MYRIP: variants seen among roughly 807,000 people sequenced by gnomAD.
MYRIP encodes myosin VIIA and Rab interacting protein.
A neutral mutation model predicts 98.0 loss-of-function variants in MYRIP; 49 were observed. That is an observed-to-expected ratio of 0.50 (90% CI 0.40 to 0.63). The LOEUF (loss-of-function observed/expected upper bound fraction) is 0.63. MYRIP is among the 30% of genes least tolerant of loss of function. The pLI, the probability that MYRIP is intolerant of heterozygous loss-of-function variation, is 0.00. For synonymous variants in MYRIP, 404 were observed against 409.5 expected, an observed-to-expected ratio of 0.99 and a Z score of 0.16; for missense variants, 1,004 against 1,058.2, an observed-to-expected ratio of 0.95 and a Z score of 0.71.
At chr3:40,245,953 G>C (rs1232551551) in intron 13 of MYRIP, among the ~76,000 whole-genome samples, 4 of 148,886 alleles carry the variant, frequency 2.7e-5, no homozygotes, top group Non-Finnish European at 4.5e-5. Flanking sequence ...TAGAGACGGG[G>C]GTTTCACCAT....
chr3:40,249,341 C>A (rs1953302053), intron 13 of MYRIP, among the ~76,000 whole-genome samples: 1 of 152,200 alleles, frequency 6.6e-6, no homozygotes, highest in Non-Finnish European at 1.5e-5. Context: ...CACATCCTCT[C>A]AGACTGTGGC....
intron 3 of MYRIP, among the ~76,000 whole-genome samples, chr3:40,131,952 A>G (rs1387950882): frequency 2.0e-5 from 3 of 152,124 alleles, no homozygotes; most frequent in African/African-American, 4.8e-5. Flanking sequence ...ATATCTAGAC[A>G]TATAAACAAG....
chr3:40,000,030 A>G (rs1359489860), intron 2 of MYRIP, among the ~76,000 whole-genome samples: 3 of 113,662 alleles, frequency 2.6e-5, no homozygotes, highest in Admixed American at 1.1e-4. Flanking sequence ...CTGTTGTGGG[A>G]GGAGGGGAGG....
chr3:39,873,960 C>T (rs1449228442), intron 1 of MYRIP, among the ~76,000 whole-genome samples: 15 of 151,812 alleles, frequency 9.9e-5, no homozygotes, highest in Non-Finnish European at 2.1e-4. Context: ...ATTGATTCTT[C>T]CTACCCATGA....
chr3:39,941,505 G>A (rs192625947), intron 2 of MYRIP, among the ~76,000 whole-genome samples: 22,656 of 151,004 alleles, frequency 0.15, 2,092 homozygotes, highest in African/African-American at 0.25. Flanking sequence ...GTGTGTGTGT[G>A]TGTGTATATA....
intron 1 of MYRIP, among the ~76,000 whole-genome samples, chr3:39,897,227 G>A (rs958905077): frequency 9.9e-5 from 15 of 152,186 alleles, no homozygotes; most frequent in Admixed American, 6.5e-4. Flanking sequence ...GAGAAACACA[G>A]AGTTAAGCAA....
intron 2 of MYRIP, among the ~76,000 whole-genome samples, chr3:39,909,791 C>T (rs953607574): frequency 2.0e-5 from 3 of 152,176 alleles, no homozygotes; most frequent in Admixed American, 2.0e-4. Flanking sequence ...GAAGATAATT[C>T]TACTTCACTG....
At chr3:40,026,605 A>G (rs189460655) in intron 2 of MYRIP, among the ~76,000 whole-genome samples, 1 of 152,292 alleles carries the variant, frequency 6.6e-6, no homozygotes. Flanking sequence ...TTCCTCTGCC[A>G]TGGCTCCAGC....
intron 3 of MYRIP, among the ~76,000 whole-genome samples, chr3:40,127,979 A>T (rs1241441639): frequency 6.6e-6 from 1 of 152,198 alleles, no homozygotes; most frequent in Non-Finnish European, 1.5e-5. Context: ...TTCATCATCT[A>T]TATAACCAAT....
chr3:39,907,146 C>T (rs1943898648), intron 2 of MYRIP, among the ~76,000 whole-genome samples: 1 of 152,172 alleles, frequency 6.6e-6, no homozygotes, highest in African/African-American at 2.4e-5. Context: ...TGTTCATCAT[C>T]AAAGGCCATG....
chr3:40,141,852 G>A (rs7634072), intron 3 of MYRIP, among the ~76,000 whole-genome samples: 53,837 of 151,930 alleles, frequency 0.35, 11,030 homozygotes, highest in Non-Finnish European at 0.46. Flanking sequence ...CAACAGCTTC[G>A]TGGTGTATTT....
At chr3:39,997,443 A>G (rs1160427466) in intron 2 of MYRIP, among the ~76,000 whole-genome samples, 17 of 152,212 alleles carry the variant, frequency 1.1e-4, no homozygotes, top group Non-Finnish European at 7.3e-5. Flanking sequence ...GAAGAAATGG[A>G]TAAATTCCTC....
At chr3:40,171,735 G>C (rs527406682) in intron 8 of MYRIP, among the ~76,000 whole-genome samples, 1 of 152,354 alleles carries the variant, frequency 6.6e-6, no homozygotes, top group South Asian at 2.1e-4. Context: ...ATGGCTCCAA[G>C]GATTCCTTGT....
At chr3:40,095,437 G>C (rs1015863761) in intron 3 of MYRIP, among the ~76,000 whole-genome samples, 1 of 152,110 alleles carries the variant, frequency 6.6e-6, no homozygotes, top group South Asian at 2.1e-4. Flanking sequence ...CAGACACCCA[G>C]AGCCCACGAG....
chr3:40,255,139 T>A (rs1208450786), intron 16 of MYRIP, among the ~76,000 whole-genome samples: 1 of 152,210 alleles, frequency 6.6e-6, no homozygotes, highest in Non-Finnish European at 1.5e-5. Context: ...TGACCATTAG[T>A]TCACAGAGCG....
chr3:40,165,520 G>A (rs1468284121), intron 5 of MYRIP, among the ~76,000 whole-genome samples: 1 of 152,176 alleles, frequency 6.6e-6, no homozygotes, highest in African/African-American at 2.4e-5. Flanking sequence ...GGAAACAGGA[G>A]GTTGAAATTG....
chr3:40,077,863 C>G (rs900285615), intron 3 of MYRIP, among the ~76,000 whole-genome samples: 1 of 152,248 alleles, frequency 6.6e-6, no homozygotes, highest in South Asian at 2.1e-4. Context: ...GATCCCGCAC[C>G]GGGGCTGCAG....
intron 5 of MYRIP, 155 bp downstream of exon 5, chr3:40,162,965 A>T: frequency 1.6e-6 from 1 of 612,844 alleles, no homozygotes. Context: ...TATTATTGCC[A>T]ATTGTATGAA....
intron 2 of MYRIP, among the ~76,000 whole-genome samples, chr3:39,970,426 G>A (rs1008585349): frequency 6.6e-6 from 1 of 152,070 alleles, no homozygotes; most frequent in Non-Finnish European, 1.5e-5. Context: ...ATTTTGAACT[G>A]TGTTAGAATA....
Sources: gnomAD v4.1 joint callset for allele counts (sites outside exome capture counted in the v4.1 genomes callset) on GRCh38, gnomAD v4.1.1 for gene constraint, MANE v1.5 for transcripts, NCBI Gene and HGNC (gene_info 2026-07-23, HGNC 2026-07-21) for gene names.